Variants in NSL1 observed in about 807,000 individuals in gnomAD.
NSL1 encodes the protein NSL1 component of MIS12 kinetochore complex.
A neutral mutation model predicts 25.4 loss-of-function variants in NSL1; 11 were observed. The observed-to-expected ratio is 0.43, with a 90% CI of 0.27 to 0.72. NSL1 has a LOEUF of 0.72. NSL1 is among the 30% of genes least tolerant of loss of function. NSL1 has a pLI of 0.19. For synonymous variants in NSL1, 118 were observed against 120.6 expected, an observed-to-expected ratio of 0.98 and a Z score of 0.14; for missense variants, 330 against 342.7, an observed-to-expected ratio of 0.96 and a Z score of 0.29.
At chr1:212,781,417 A>G (rs1660727094) in intron 4 of NSL1, among the ~76,000 whole-genome samples, 1 of 152,202 alleles carries the variant, frequency 6.6e-6, no homozygotes, top group South Asian at 2.1e-4. Context: ...CATATTGGCA[A>G]CTACCCCTTT....
At position 212,784,486 on chromosome 1, in the gene NSL1, G is replaced by A; in HGVS notation, c.321C>T (p.Asp107=). 2.0e-6 allele frequency: 3 copies of A among 1,532,462 alleles called. No individual in the cohort carries two copies. Among genetic ancestry groups the A allele is most frequent in the Non-Finnish European group, 1.8e-6 (2 of 1,128,878 alleles). 94.9% of individuals were successfully genotyped at this position (1,532,462 alleles called of 1,614,324 possible). Residue 107 remains aspartate (D), a synonymous_variant, in exon 3 of 6, where the codon GAC becomes GAT. Transcript: ENST00000366977. ...CAAACTGATCTTCAAGTACTTTGATGTCAGAATCTATTTGAGAAAAAAAAA... is the reference window on the plus strand; with the variant it reads ...CAAACTGATCTTCAAGTACTTTGATATCAGAATCTATTTGAGAAAAAAAAA... ...EASDNCFMDS[D]IKVLEDQFDE...
chr1:212,730,916 C>G lies in NSL1; in HGVS notation c.*7492G>C. The G allele has an allele frequency of 1.0e-6, 1 of 985,228 alleles. No homozygotes were observed. The highest frequency in any genetic ancestry group is 1.2e-6 in the Non-Finnish European group (1 of 829,890). 61.0% of individuals were successfully genotyped at this position (985,228 alleles called of 1,614,324 possible). A position where few individuals can be genotyped will look rare whatever the true frequency, so the allele number is the denominator to read the frequency against. Reference sequence around the variant, plus strand: ...GTGTGAGATTGTGATCCAGGGAAACCGACAAGTTAGAAATTTGCAATATGA... The same window carrying G: ...GTGTGAGATTGTGATCCAGGGAAACGGACAAGTTAGAAATTTGCAATATGA... On this transcript the variant is annotated 3_prime_UTR_variant, in exon 6 of 6. Transcript: ENST00000366977.
intron 2 of NSL1, among the ~76,000 whole-genome samples, chr1:212,785,207 A>G (rs528485887): frequency 6.6e-6 from 1 of 152,346 alleles, no homozygotes; most frequent in Non-Finnish European, 1.5e-5. Context: ...GATTGATGGT[A>G]GGAAAAACTG....
chr1:212,739,721 T>C (rs1206204025), intron 4 of NSL1, 120 bp from the exon 5 acceptor site: 2 of 818,488 alleles, frequency 2.4e-6, no homozygotes, highest in African/African-American at 1.7e-5. Flanking sequence ...GCTAGGACGA[T>C]TCACCTCAGC....
intron 4 of NSL1, among the ~76,000 whole-genome samples, chr1:212,762,772 G>A (rs1053597672): frequency 3.3e-5 from 5 of 152,294 alleles, no homozygotes; most frequent in Non-Finnish European, 4.4e-5. Flanking sequence ...AAAAGTAGAC[G>A]CAGCAGCATG....
rs1205326323 is a variant in NSL1, at chr1:212,734,884, T to C, written c.*3524A>G. Among the ~76,000 whole-genome samples the C allele has an allele frequency of 5.3e-5, 8 of 152,200 alleles. 1 individual carries two copies. The South Asian group carries it at 1.2e-3, about 24-fold the overall frequency. On this transcript the variant is annotated 3_prime_UTR_variant, in exon 6 of 6. Transcript: ENST00000366977. Reference sequence around the variant, plus strand: ...TCATCCTCTTCACTGGAATATGACCTTCCTGAAGGCAACACTTGTCCTGAG... The same window carrying C: ...TCATCCTCTTCACTGGAATATGACCCTCCTGAAGGCAACACTTGTCCTGAG...
rs370344748 is a variant in NSL1 at position 212,726,971 on chromosome 1, G to C, written c.*11437C>G. 2.0e-3 allele frequency: 1,396 copies of C among 682,776 alleles called. 32 individuals are homozygous for C. In the South Asian group the frequency reaches 0.028, roughly 14 times the overall value. 42.3% of individuals were successfully genotyped at this position (682,776 alleles called of 1,614,324 possible). On this transcript the variant is annotated 3_prime_UTR_variant, in exon 6 of 6. Coordinates refer to ENST00000366977, the MANE Select transcript of NSL1 (RefSeq NM_015471.4). Reference sequence around the variant, plus strand: ...ATGGTGGGTGAAGAGCACAGGGAGAGTGTGCTTCCTGGCTGTGTCCTCTCA... The same window carrying C: ...ATGGTGGGTGAAGAGCACAGGGAGACTGTGCTTCCTGGCTGTGTCCTCTCA...
In NSL1 at chr1:212,729,335, C is replaced by T. The variant is rs1042895506; in HGVS notation, c.*9073G>A. 1 of 983,058 alleles carries T rather than the reference C, an allele frequency of 1.0e-6. No homozygotes were observed. Among genetic ancestry groups the T allele is most frequent in the Admixed American group, 6.1e-5 (1 of 16,266 alleles). 60.9% of individuals were successfully genotyped at this position (983,058 alleles called of 1,614,324 possible). A position where few individuals can be genotyped will look rare whatever the true frequency, so the allele number is the denominator to read the frequency against. ...GGCTCCCCTAACTGACGGCAAATTG[C>T]TTGTGGGCAGGGTCTGTGCCTTGGT... On this transcript the variant is annotated 3_prime_UTR_variant, in exon 6 of 6. Transcript: ENST00000366977.
intron 5 of NSL1, among the ~76,000 whole-genome samples, chr1:212,739,061 G>A (rs1289355019): frequency 1.3e-5 from 2 of 152,070 alleles, no homozygotes; most frequent in Non-Finnish European, 2.9e-5. Context: ...CTGTGCCCTT[G>A]CTGATCCAGG....
rs1360928860 is a variant in NSL1, at chr1:212,734,600, G to A, written c.*3808C>T. The stretch of plus-strand genomic sequence containing the variant: ...ACCATGGCTTAGTTTTGCCCATTCT[G>A]TGATTCCATACACAGGATGTATTCT... On this transcript the variant is annotated 3_prime_UTR_variant, in exon 6 of 6. Transcript: ENST00000366977. Among the ~76,000 whole-genome samples, 1 of 152,168 alleles carries A rather than the reference G, an allele frequency of 6.6e-6. No individual in the cohort carries two copies. The highest frequency in any genetic ancestry group is 1.5e-5 in the Non-Finnish European group (1 of 68,036).
chr1:212,743,739 AG>A (rs149211599), intron 4 of NSL1, among the ~76,000 whole-genome samples: 156 of 152,292 alleles, frequency 1.0e-3, no homozygotes, highest in African/African-American at 3.6e-3. Context: ...AAAACAGTCA[AG>A]GGTTTTCACC....
intron 4 of NSL1, 198 bp downstream of exon 4, chr1:212,782,174 A>G: frequency 5.7e-6 from 4 of 705,728 alleles, no homozygotes; most frequent in Non-Finnish European, 1.1e-5. Flanking sequence ...CCGGGGTAAC[A>G]CCCCTGGAAT....
chr1:212,778,863 G>A (rs1464133600), intron 4 of NSL1, among the ~76,000 whole-genome samples: 30 of 148,212 alleles, frequency 2.0e-4, no homozygotes, highest in East Asian at 1.6e-3. Context: ...GCCGCCTATC[G>A]TCTGGGATGT....
At chr1:212,769,486 C>A (rs746599434) in intron 4 of NSL1, among the ~76,000 whole-genome samples, 1 of 152,026 alleles carries the variant, frequency 6.6e-6, no homozygotes, top group African/African-American at 2.4e-5. Context: ...AAGAAAAAAA[C>A]CTGTCAGCCA....
rs1278685880 is a variant in NSL1 at position 212,734,368 on chromosome 1, A to C, written c.*4040T>G. 6.6e-6 allele frequency among the ~76,000 whole-genome samples: 1 copy of C among 152,200 alleles called. No individual in the cohort carries two copies. The highest frequency in any genetic ancestry group is 6.5e-5 in the Admixed American group (1 of 15,290). On this transcript the variant is annotated 3_prime_UTR_variant, in exon 6 of 6. Coordinates refer to ENST00000366977, the MANE Select transcript of NSL1 (RefSeq NM_015471.4). ...GTCTTTGATGCTGGAGACGCTCCTC[A>C]AATATTTGGTGAATCAGTTTTGTGC...
intron 4 of NSL1, among the ~76,000 whole-genome samples, chr1:212,752,674 A>C (rs1205319120): frequency 6.6e-6 from 1 of 152,216 alleles, no homozygotes; most frequent in Non-Finnish European, 1.5e-5. Context: ...GATTGCTATA[A>C]GGATATTTTT....
chr1:212,751,576 AC>A (rs1659067734), intron 4 of NSL1, among the ~76,000 whole-genome samples: 1 of 152,256 alleles, frequency 6.6e-6, no homozygotes, highest in South Asian at 2.1e-4. Context: ...CTGGTAAAGA[AC>A]TAAAACATTA....
At chr1:212,789,473 A>G (rs1186967633) in intron 1 of NSL1, among the ~76,000 whole-genome samples, 4 of 143,662 alleles carry the variant, frequency 2.8e-5, no homozygotes, top group African/African-American at 1.1e-4. Flanking sequence ...CAGCCTCCCA[A>G]AGTGCTGGGA....
chr1:212,781,870 C>T, intron 4 of NSL1: 1 of 204,380 alleles, frequency 4.9e-6, no homozygotes, highest in Non-Finnish European at 1.0e-5. Context: ...TTTATTTCTC[C>T]CTGTTGTATG....
Sources: allele counts gnomAD v4.1 joint callset (sites outside exome capture counted in the v4.1 genomes callset), GRCh38; gene constraint gnomAD v4.1.1; transcripts MANE v1.5; gene names NCBI Gene and HGNC (gene_info 2026-07-23, HGNC 2026-07-21).